LPCAT3: variants seen among roughly 807,000 people sequenced by gnomAD.
LPCAT3 encodes the protein lysophospholipid acyltransferase 5.
A neutral mutation model predicts 63.4 loss-of-function variants in LPCAT3; 21 were observed. The ratio of observed to expected loss-of-function variants is 0.33; its 90% confidence interval spans 0.23 to 0.48. LPCAT3 has a LOEUF of 0.48. LPCAT3 is among the 20% of genes least tolerant of loss of function. The pLI is 0.99. For missense variants in LPCAT3, 451 were observed against 590.6 expected (o/e 0.76, Z 2.45); for synonymous variants, 242 against 227.5 (o/e 1.06, Z -0.58).
intron 1 of LPCAT3, among the ~76,000 whole-genome samples, chr12:7,003,575 T>C (rs1201212370): frequency 6.6e-6 from 1 of 152,142 alleles, no homozygotes; most frequent in Non-Finnish European, 1.5e-5. Context: ...TCATAAGCCA[T>C]TTTTCCCACT....
At chr12:7,013,577 A>G (rs1278863944) in intron 1 of LPCAT3, among the ~76,000 whole-genome samples, 5 of 152,158 alleles carry the variant, frequency 3.3e-5, no homozygotes, top group African/African-American at 1.2e-4. Context: ...GTGGGGAGTG[A>G]GTGAAGAAAG....
chr12:7,010,997 C>T (rs1324090976), intron 1 of LPCAT3, among the ~76,000 whole-genome samples: 1 of 152,104 alleles, frequency 6.6e-6, no homozygotes. Context: ...GCCATCATGC[C>T]TGGCTAATTA....
At chr12:6,997,647 C>T (rs1409973730) in intron 1 of LPCAT3, among the ~76,000 whole-genome samples, 4 of 149,912 alleles carry the variant, frequency 2.7e-5, no homozygotes, top group South Asian at 2.1e-4. Flanking sequence ...AGTGCAATGG[C>T]GTGATCTCGG....
intron 1 of LPCAT3, among the ~76,000 whole-genome samples, chr12:7,014,459 A>G (rs961900100): frequency 3.3e-5 from 5 of 152,168 alleles, no homozygotes; most frequent in Non-Finnish European, 5.9e-5. Flanking sequence ...GCATCCTTCC[A>G]TCAAACTCCT....
intron 6 of LPCAT3, among the ~76,000 whole-genome samples, chr12:6,980,385 T>A (rs1282870267): frequency 6.6e-6 from 1 of 152,130 alleles, no homozygotes; most frequent in Non-Finnish European, 1.5e-5. Context: ...GATTTTGCTA[T>A]GTTGCCCAGA....
At chr12:6,981,667 GGA>G in intron 4 of LPCAT3, 35 bp from the exon 5 acceptor site, 2 of 1,609,356 alleles carry the variant, frequency 1.2e-6, no homozygotes, top group Non-Finnish European at 1.7e-6. Context: ...TAGGGTGGTG[GGA>G]GAGGACACTG....
chr12:6,996,772 C>G (rs1381034112), intron 1 of LPCAT3, among the ~76,000 whole-genome samples: 1 of 152,054 alleles, frequency 6.6e-6, no homozygotes, highest in East Asian at 1.9e-4. Flanking sequence ...ATGGAATAGC[C>G]AATGTTGTAG....
chr12:6,999,995 C>CTGAAACCT (rs1946670683), intron 1 of LPCAT3, among the ~76,000 whole-genome samples: 2 of 146,740 alleles, frequency 1.4e-5, no homozygotes, highest in Non-Finnish European at 3.0e-5. Flanking sequence ...TCTTGGCTCA[C>CTGAAACCT]TGAAACCTCT....
At position 6,983,499 on chromosome 12, in the gene LPCAT3, G is replaced by A; in HGVS notation, c.192C>T (p.Tyr64=). 1.9e-6 allele frequency: 3 copies of A among 1,612,766 alleles called. No homozygotes were observed. Among genetic ancestry groups the A allele is most frequent in the Non-Finnish European group, 2.5e-6 (3 of 1,178,848 alleles). The change falls in exon 2 of 13, where the codon TAC becomes TAT. Residue 64 remains tyrosine, a synonymous_variant. Transcript: ENST00000261407. ...AGAGGTGGATGAGGTAGGTCTCCTTGTAGAAAAGGTAATGCCGATAAAACA... is the reference window on the plus strand; with the variant it reads ...AGAGGTGGATGAGGTAGGTCTCCTTATAGAAAAGGTAATGCCGATAAAACA... The part of the protein sequence containing the change: ...FALFYRHYLF[Y]KETYLIHLFH...
intron 1 of LPCAT3, among the ~76,000 whole-genome samples, chr12:6,984,687 AGT>A (rs1391475381): frequency 6.6e-6 from 1 of 152,180 alleles, no homozygotes; most frequent in Non-Finnish European, 1.5e-5. Context: ...CCTGGGCTCA[AGT>A]GATCCTCCAA....
In LPCAT3 at chr12:6,977,763, T is replaced by G. The variant is rs781891178; in HGVS notation, c.1041-18A>C. On this transcript the variant is annotated intron_variant, in intron 9 of 12. Transcript: ENST00000261407. The surrounding 1 kb of genome is among the most constrained non-coding windows in gnomAD (Gnocchi z 4.5). ...AGATGTAGCTGGAGAAAAGGGTGGGTGGGGCGACCCTCAAACTGACTGGTC... is the reference window on the plus strand; with the variant it reads ...AGATGTAGCTGGAGAAAAGGGTGGGGGGGGCGACCCTCAAACTGACTGGTC... 8 of 1,613,500 alleles carry G rather than the reference T, an allele frequency of 5.0e-6. No homozygotes were observed. Among genetic ancestry groups the G allele is most frequent in the Admixed American group, 1.7e-5 (1 of 60,004 alleles).
At chr12:6,998,483 GT>G (rs1946657224) in intron 1 of LPCAT3, among the ~76,000 whole-genome samples, 1 of 152,186 alleles carries the variant, frequency 6.6e-6, no homozygotes, top group African/African-American at 2.4e-5. Context: ...AGTTCCTTAT[GT>G]TAGAGAACTT....
intron 1 of LPCAT3, among the ~76,000 whole-genome samples, chr12:7,007,624 A>G (rs781888251): frequency 5.4e-5 from 8 of 149,214 alleles, no homozygotes; most frequent in African/African-American, 1.7e-4. Context: ...CCTCCCGAGT[A>G]GCTGGGATTA....
intron 1 of LPCAT3, among the ~76,000 whole-genome samples, chr12:6,993,487 G>C (rs1476734321): frequency 6.6e-6 from 1 of 151,660 alleles, no homozygotes; most frequent in East Asian, 1.9e-4. Flanking sequence ...TCTAATTTCA[G>C]AATATCTTCA....
At chr12:7,006,712 CA>C (rs1363937730) in intron 1 of LPCAT3, among the ~76,000 whole-genome samples, 1 of 152,156 alleles carries the variant, frequency 6.6e-6, no homozygotes, top group African/African-American at 2.4e-5. Flanking sequence ...GTTTATACTC[CA>C]ACTTTAATCA....
chr12:7,010,645 C>T (rs976934572), intron 1 of LPCAT3, among the ~76,000 whole-genome samples: 1 of 152,158 alleles, frequency 6.6e-6, no homozygotes, highest in African/African-American at 2.4e-5. Flanking sequence ...CATGGCTGCC[C>T]AGACATGCTT....
At chr12:6,985,550 C>T (rs1438733367) in intron 1 of LPCAT3, among the ~76,000 whole-genome samples, 9 of 141,920 alleles carry the variant, frequency 6.3e-5, no homozygotes, top group Non-Finnish European at 1.5e-5. Context: ...CCCATCTCTA[C>T]CAAAAATATA....
intron 5 of LPCAT3, 40 bp downstream of exon 5, chr12:6,981,555 A>C: frequency 6.2e-7 from 1 of 1,606,980 alleles, no homozygotes; most frequent in Non-Finnish European, 8.5e-7. Flanking sequence ...CTTCCCTTTC[A>C]TTAAGTCTTG....
chr12:7,003,550 A>G (rs1361085563), intron 1 of LPCAT3, among the ~76,000 whole-genome samples: 1 of 152,184 alleles, frequency 6.6e-6, no homozygotes, highest in African/African-American at 2.4e-5. Context: ...ACAGTGTGCT[A>G]AATACAACTG....
Sources: gnomAD v4.1 joint callset for allele counts (sites outside exome capture counted in the v4.1 genomes callset) on GRCh38, gnomAD v4.1.1 for gene constraint, Gnocchi (gnomAD v3.1) non-coding constraint, MANE v1.5 for transcripts, NCBI Gene and HGNC (gene_info 2026-07-23, HGNC 2026-07-21) for gene names.